The following DNAAF9 variants were observed in gnomAD, a reference collection of about 807,000 sequenced individuals.
DNAAF9 encodes the protein shulin.
Under a neutral mutation model 167.0 loss-of-function variants are expected in DNAAF9, and 90 were observed. That is an observed-to-expected ratio of 0.54 (90% CI 0.45 to 0.64). The LOEUF (loss-of-function observed/expected upper bound fraction) is 0.64. Ranked by LOEUF, DNAAF9 falls within the 30% of genes least tolerant of loss-of-function variation. The pLI is 0.00. For missense variants in DNAAF9, 1,315 were observed against 1,442.2 expected (o/e 0.91, Z 1.43); for synonymous variants, 491 against 508.8 (o/e 0.96, Z 0.47).
chr20:3,342,182 A>G (rs2070100210), intron 9 of DNAAF9, among the ~76,000 whole-genome samples: 1 of 152,122 alleles, frequency 6.6e-6, no homozygotes, highest in Non-Finnish European at 1.5e-5. Flanking sequence ...TCCAACTTCA[A>G]TACTCCAGCC....
chr20:3,253,259 T>C (rs995690692), intron 36 of DNAAF9, among the ~76,000 whole-genome samples: 3 of 152,166 alleles, frequency 2.0e-5, no homozygotes, highest in African/African-American at 7.2e-5. Flanking sequence ...CTGACCAACA[T>C]GGAGAAACTC....
At position 3,363,656 on chromosome 20, in the gene DNAAF9, C is replaced by T. The variant is rs1450013368; in HGVS notation, c.613-4063G>A. Among the ~76,000 whole-genome samples the T allele has an allele frequency of 3.3e-5, 5 of 151,458 alleles. No individual in the cohort carries two copies. In the South Asian group the frequency reaches 6.2e-4, roughly 19 times the overall value. On this transcript the variant is annotated intron_variant, in intron 6 of 36. Transcript: ENST00000252032. Reference sequence around the variant, plus strand: ...CAGTATGAGCCCAGGAGTTCAAGACCTGCCTGGGCAATATAGAGAGACCCT... The same window carrying T: ...CAGTATGAGCCCAGGAGTTCAAGACTTGCCTGGGCAATATAGAGAGACCCT...
At chr20:3,298,956 T>G (rs191714052) in intron 21 of DNAAF9, among the ~76,000 whole-genome samples, 186 of 146,972 alleles carry the variant, frequency 1.3e-3, no homozygotes, top group African/African-American at 4.3e-3. Context: ...TCGTCCAGGC[T>G]GGAGTGCAAA....
rs755064569 is a variant in DNAAF9 at position 3,250,555 on chromosome 20, G to A, written c.*2017C>T. ...GTAATCACAGTTTTTTCTCTAAGAG[G>A]AGAGGAGTTGGGACAGTGGGGCAAG... On this transcript the variant is annotated 3_prime_UTR_variant, in exon 37 of 37. Coordinates refer to ENST00000252032, the MANE Select transcript of DNAAF9 (RefSeq NM_001009984.3). 2.6e-5 allele frequency: 4 copies of A among 152,222 alleles called. No homozygotes were observed. The highest frequency in any genetic ancestry group is 5.9e-5 in the Non-Finnish European group (4 of 68,050). The allele number at this position is 152,222 out of a possible 1,614,324, so 9.4% of individuals were successfully genotyped here.
intron 23 of DNAAF9, chr20:3,295,509 C>A: frequency 1.5e-5 from 4 of 272,518 alleles, no homozygotes; most frequent in South Asian, 7.8e-5. Flanking sequence ...AGCCCAAACA[C>A]ATTTTCTTGC....
At chr20:3,283,370 C>G (rs532300982) in intron 27 of DNAAF9, among the ~76,000 whole-genome samples, 3 of 152,350 alleles carry the variant, frequency 2.0e-5, no homozygotes, top group East Asian at 3.9e-4. Context: ...TACTCCACCC[C>G]ACCCCAGGTT....
intron 17 of DNAAF9, among the ~76,000 whole-genome samples, chr20:3,317,479 A>T (rs1417986318): frequency 6.6e-6 from 1 of 152,122 alleles, no homozygotes; most frequent in Non-Finnish European, 1.5e-5. Flanking sequence ...TTAAAGATCA[A>T]AGAGAATTAT....
intron 7 of DNAAF9, among the ~76,000 whole-genome samples, chr20:3,354,240 C>A (rs773285925): frequency 6.6e-6 from 1 of 152,232 alleles, no homozygotes; most frequent in Non-Finnish European, 1.5e-5. Context: ...ATTCTCCCAA[C>A]TTTTCCCCAA....
chr20:3,335,451 T>C (rs2069918725), intron 10 of DNAAF9, among the ~76,000 whole-genome samples: 1 of 152,158 alleles, frequency 6.6e-6, no homozygotes, highest in African/African-American at 2.4e-5. Flanking sequence ...GAGAAAGAAA[T>C]ACAACTTTCA....
At chr20:3,374,686 C>G (rs1460895391) in intron 5 of DNAAF9, among the ~76,000 whole-genome samples, 1 of 152,160 alleles carries the variant, frequency 6.6e-6, no homozygotes, top group Non-Finnish European at 1.5e-5. Context: ...GTCAGCATAT[C>G]TTTTTAGAAG....
chr20:3,358,040 A>C (rs2083312246), intron 7 of DNAAF9, among the ~76,000 whole-genome samples: 1 of 151,920 alleles, frequency 6.6e-6, no homozygotes, highest in African/African-American at 2.4e-5. Context: ...TAAATAAATA[A>C]AATAAAATTT....
At chr20:3,388,705 T>C (rs1403400736) in intron 1 of DNAAF9, among the ~76,000 whole-genome samples, 2 of 152,242 alleles carry the variant, frequency 1.3e-5, no homozygotes, top group Non-Finnish European at 2.9e-5. Context: ...AAATTCTGTA[T>C]GATTCTACTT....
At chr20:3,273,051 G>A (rs550214016) in intron 29 of DNAAF9, among the ~76,000 whole-genome samples, 2 of 152,026 alleles carry the variant, frequency 1.3e-5, no homozygotes, top group African/African-American at 2.4e-5. Context: ...GGCTGGTCTC[G>A]AACTCCTGAC....
At chr20:3,380,823 A>C (rs1424483251) in intron 3 of DNAAF9, among the ~76,000 whole-genome samples, 1 of 152,252 alleles carries the variant, frequency 6.6e-6, no homozygotes, top group Non-Finnish European at 1.5e-5. Flanking sequence ...CCCCAGCAGC[A>C]TCAACACAGG....
intron 6 of DNAAF9, among the ~76,000 whole-genome samples, chr20:3,368,168 T>C (rs2083454609): frequency 6.6e-6 from 1 of 152,142 alleles, no homozygotes; most frequent in Middle Eastern, 3.2e-3. Flanking sequence ...GGACGGTTCT[T>C]TCCTCTTTAG....
chr20:3,355,339 C>T (rs772991682), intron 7 of DNAAF9, among the ~76,000 whole-genome samples: 3 of 152,124 alleles, frequency 2.0e-5, no homozygotes, highest in Admixed American at 1.3e-4. Context: ...CTTTGGGAGG[C>T]CGAGGCAGGC....
At chr20:3,328,833 CATACACACACACGT>C (rs1418065945) in intron 12 of DNAAF9, among the ~76,000 whole-genome samples, 9 of 150,910 alleles carry the variant, frequency 6.0e-5, no homozygotes, top group South Asian at 2.1e-4. Flanking sequence ...TATACATACA[CATACACACACACGT>C]ATACACACAC....
At chr20:3,303,552 T>C (rs1190936447) in intron 21 of DNAAF9, among the ~76,000 whole-genome samples, 1 of 152,240 alleles carries the variant, frequency 6.6e-6, no homozygotes, top group East Asian at 1.9e-4. Context: ...AACACTTTAA[T>C]CTAATAGGGC....
chr20:3,379,411 T>C (rs1347290250), intron 3 of DNAAF9, among the ~76,000 whole-genome samples: 2 of 152,002 alleles, frequency 1.3e-5, no homozygotes, highest in African/African-American at 2.4e-5. Flanking sequence ...CTGGCCAACA[T>C]GGTGAAATCC....
Sources: allele counts gnomAD v4.1 joint callset (sites outside exome capture counted in the v4.1 genomes callset), GRCh38; gene constraint gnomAD v4.1.1; transcripts MANE v1.5; gene names NCBI Gene and HGNC (gene_info 2026-07-23, HGNC 2026-07-21).